Variants in CSNK1A1 observed in about 807,000 individuals in gnomAD.
CSNK1A1 encodes casein kinase I isoform alpha.
A neutral mutation model predicts 46.1 loss-of-function variants in CSNK1A1; 7 were observed. That is an observed-to-expected ratio of 0.15 (90% CI 0.09 to 0.29). CSNK1A1 has a LOEUF of 0.29. CSNK1A1 is among the 10% of genes least tolerant of loss of function. The pLI, the probability that CSNK1A1 is intolerant of heterozygous loss-of-function variation, is 1.00. For missense variants in CSNK1A1, 96 were observed against 417.1 expected, an observed-to-expected ratio of 0.23 and a Z score of 6.71; for synonymous variants, 137 against 141.5, an observed-to-expected ratio of 0.97 and a Z score of 0.23.
chr5:149,522,918 TAC>T (rs1201946765), intron 3 of CSNK1A1, among the ~76,000 whole-genome samples: 6 of 152,188 alleles, frequency 3.9e-5, no homozygotes, highest in Admixed American at 3.9e-4. Flanking sequence ...CAGCACTAAG[TAC>T]AGTGGTAGGC....
intron 4 of CSNK1A1, among the ~76,000 whole-genome samples, chr5:149,518,803 G>A (rs1156293400): frequency 1.3e-5 from 2 of 151,758 alleles, no homozygotes; most frequent in East Asian, 3.9e-4. Flanking sequence ...GGTTGTGGGG[G>A]AGGGGGGGAA....
intron 2 of CSNK1A1, among the ~76,000 whole-genome samples, chr5:149,529,447 A>G (rs531174401): frequency 1.3e-5 from 2 of 152,278 alleles, no homozygotes; most frequent in Non-Finnish European, 2.9e-5. Flanking sequence ...CAATACATGC[A>G]AAAGTCAATG....
At chr5:149,540,972 C>A (rs1346260040) in intron 2 of CSNK1A1, among the ~76,000 whole-genome samples, 1 of 151,734 alleles carries the variant, frequency 6.6e-6, no homozygotes, top group Non-Finnish European at 1.5e-5. Flanking sequence ...CCCAGCTACT[C>A]CAGAGGCTGA....
chr5:149,499,284 C>G, intron 9 of CSNK1A1: 1 of 900,748 alleles, frequency 1.1e-6, no homozygotes, highest in Non-Finnish European at 1.3e-6. Context: ...AGGAATGAAT[C>G]CCTTTATTCC....
chr5:149,511,238 G>A (rs1761213743), intron 6 of CSNK1A1, among the ~76,000 whole-genome samples: 1 of 152,146 alleles, frequency 6.6e-6, no homozygotes, highest in African/African-American at 2.4e-5. Flanking sequence ...GGCTGAGATA[G>A]GAGGACTGCT....
intron 9 of CSNK1A1, chr5:149,497,110 CTAAAA>C (rs746722912): frequency 2.4e-6 from 3 of 1,240,864 alleles, no homozygotes; most frequent in Non-Finnish European, 3.0e-6. Flanking sequence ...TCTCAGCATA[CTAAAA>C]TAATTATTAG....
At chr5:149,549,556 G>C in intron 2 of CSNK1A1, 1 of 699,986 alleles carries the variant, frequency 1.4e-6, no homozygotes, top group South Asian at 1.5e-5. Flanking sequence ...AACTCAAGCT[G>C]AGAAAAGGGC....
At chr5:149,529,567 A>T in intron 2 of CSNK1A1, 1 of 387,632 alleles carries the variant, frequency 2.6e-6, no homozygotes, top group South Asian at 1.9e-5. Flanking sequence ...CTGAAGGATG[A>T]ACAGTGTTTT....
At position 149,522,330 on chromosome 5, in the gene CSNK1A1, C is replaced by T. The variant is rs569822782; in HGVS notation, c.358-1942G>A. ...ATCGTTATGTTGCCCAGGCTGCTCT[C>T]GAACTCCTGAGCTCAAGTGATCCTC... On this transcript the variant is annotated intron_variant, in intron 3 of 9. Coordinates refer to ENST00000377843, the MANE Select transcript of CSNK1A1 (RefSeq NM_001892.6). Among the ~76,000 whole-genome samples the T allele has an allele frequency of 8.5e-5, 13 of 152,194 alleles. No homozygotes were observed. In the South Asian group the frequency reaches 2.5e-3, roughly 29 times the overall value.
chr5:149,519,185 A>G (rs1761489524), intron 4 of CSNK1A1, among the ~76,000 whole-genome samples: 1 of 152,192 alleles, frequency 6.6e-6, no homozygotes, highest in Non-Finnish European at 1.5e-5. Flanking sequence ...AAACCTAATC[A>G]GACCAACATC....
At chr5:149,545,203 T>C (rs1405385178) in intron 2 of CSNK1A1, among the ~76,000 whole-genome samples, 2 of 152,064 alleles carry the variant, frequency 1.3e-5, no homozygotes, top group African/African-American at 2.4e-5. Flanking sequence ...AAGGGTCAAC[T>C]GTAATTTTAA....
intron 2 of CSNK1A1, among the ~76,000 whole-genome samples, chr5:149,531,574 G>A (rs1423912679): frequency 1.4e-5 from 2 of 146,412 alleles, no homozygotes; most frequent in Admixed American, 1.4e-4. Context: ...TGAGCCAGGT[G>A]CAGTGGCTCA....
At chr5:149,532,801 G>A (rs1257274039) in intron 2 of CSNK1A1, among the ~76,000 whole-genome samples, 2 of 152,192 alleles carry the variant, frequency 1.3e-5, no homozygotes, top group African/African-American at 2.4e-5. Context: ...ATTTGAGTGA[G>A]AAGCTCATGA....
At chr5:149,520,244 C>T (rs775747510) in intron 4 of CSNK1A1, 46 bp downstream of exon 4, 42 of 1,234,772 alleles carry the variant, frequency 3.4e-5, no homozygotes, top group East Asian at 3.1e-4. Context: ...CAATTCTTGT[C>T]GAAACTTTAC....
intron 2 of CSNK1A1, chr5:149,549,516 A>G (rs1005645882): frequency 7.1e-6 from 5 of 702,066 alleles, no homozygotes; most frequent in African/African-American, 1.7e-5. Context: ...CGGGGCTGCT[A>G]AAGGAGGAAT....
At chr5:149,501,254 C>A in intron 9 of CSNK1A1, 1 of 985,364 alleles carries the variant, frequency 1.0e-6, no homozygotes, top group Non-Finnish European at 1.2e-6. Context: ...TCCAGCTTTA[C>A]TGTCCACAGT....
intron 9 of CSNK1A1, chr5:149,503,625 A>T (rs7704988): frequency 1.0e-6 from 1 of 985,392 alleles, no homozygotes; most frequent in Non-Finnish European, 1.2e-6. Context: ...CAAAATAAGG[A>T]TTAAACAAGT....
At chr5:149,508,543 T>C (rs1375128248) in intron 7 of CSNK1A1, among the ~76,000 whole-genome samples, 1 of 152,264 alleles carries the variant, frequency 6.6e-6, no homozygotes, top group African/African-American at 2.4e-5. Flanking sequence ...TTATTCATCA[T>C]GACACAAATA....
At chr5:149,543,196 T>C (rs922521487) in intron 2 of CSNK1A1, among the ~76,000 whole-genome samples, 4 of 152,074 alleles carry the variant, frequency 2.6e-5, no homozygotes, top group Non-Finnish European at 5.9e-5. Context: ...AATGAAACGA[T>C]GTGGAGTGTG....
Sources: gnomAD v4.1 joint callset for allele counts (sites outside exome capture counted in the v4.1 genomes callset) on GRCh38, gnomAD v4.1.1 for gene constraint, MANE v1.5 for transcripts, NCBI Gene and HGNC (gene_info 2026-07-23, HGNC 2026-07-21) for gene names.